Variants in CRAMP1 observed in about 807,000 individuals in gnomAD.
The protein encoded by CRAMP1 is protein cramped-like.
A neutral mutation model predicts 115.4 loss-of-function variants in CRAMP1; 50 were observed. That is an observed-to-expected ratio of 0.43 (90% confidence interval 0.35 to 0.55). CRAMP1 has a LOEUF of 0.55. CRAMP1 is among the 20% of genes least tolerant of loss of function. The pLI is 0.01. For missense variants in CRAMP1, 1,679 were observed against 1,721.7 expected, an observed-to-expected ratio of 0.98 and a Z score of 0.44; for synonymous variants, 866 against 745.4, an observed-to-expected ratio of 1.16 and a Z score of -2.64.
At chr16:1,642,928 A>T (rs1360779703) in intron 6 of CRAMP1, among the ~76,000 whole-genome samples, 1 of 152,204 alleles carries the variant, frequency 6.6e-6, no homozygotes, top group Non-Finnish European at 1.5e-5. Flanking sequence ...CGTGGTGGGC[A>T]CCTGCAGCGC....
chr16:1,657,569 A>G (rs776231992), intron 10 of CRAMP1, among the ~76,000 whole-genome samples: 4 of 152,250 alleles, frequency 2.6e-5, no homozygotes, highest in Non-Finnish European at 5.9e-5. Flanking sequence ...TGGCAAAGTC[A>G]GAGGCTGTCA....
At chr16:1,634,626 C>T (rs983120663) in intron 4 of CRAMP1, among the ~76,000 whole-genome samples, 5 of 152,138 alleles carry the variant, frequency 3.3e-5, no homozygotes, top group African/African-American at 9.7e-5. Context: ...TGGTGTGACC[C>T]CACATGATGT....
At chr16:1,651,872 G>T (rs548136989) in intron 6 of CRAMP1, among the ~76,000 whole-genome samples, 136 of 151,754 alleles carry the variant, frequency 9.0e-4, no homozygotes, top group Non-Finnish European at 1.5e-3. Flanking sequence ...AGGTCACACA[G>T]GTCATCTAGA....
rs144688516 is a variant in CRAMP1, at chr16:1,612,663, C to T, written c.-2+6C>T. Among the ~76,000 whole-genome samples the T allele has an allele frequency of 3.9e-3, 599 of 152,140 alleles. 3 individuals are homozygous for T. Among genetic ancestry groups the T allele is most frequent in the African/African-American group, 0.014 (578 of 41,548 alleles). On this transcript the variant is annotated splice_donor_region_variant and intron_variant, in intron 1 of 20. Transcript: ENST00000397412. ...GCCCGGCGTTGATGAAAAAGGTGAC[C>T]AAGGCTGGGCGGCGGGGCTGTCATG...
Position 1,637,891 on chromosome 16 carries a change from C to A in CRAMP1, c.762C>A (p.Arg254=). ...LYGLICYGEL[R]KKIGGCMDDK... ...GCCTGATCTGCTATGGCGAGCTGCG[C>A]AAGAAGATTGGGGGCTGTGAGTACG... Residue 254 remains arginine, a synonymous_variant, in exon 5 of 21, where the codon CGC becomes CGA. Coordinates refer to ENST00000397412, the MANE Select transcript of CRAMP1 (RefSeq NM_020825.4). 1.3e-6 allele frequency: 2 copies of A among 1,553,066 alleles called. No individual in the cohort carries two copies. The highest frequency in any genetic ancestry group is 2.5e-5 in the East Asian group (1 of 40,792).
rs1488728897 is a variant in CRAMP1, at chr16:1,674,251, T to C, written c.*206T>C. On this transcript the variant is annotated 3_prime_UTR_variant, in exon 21 of 21. Coordinates refer to ENST00000397412, the MANE Select transcript of CRAMP1 (RefSeq NM_020825.4). ...GATGAGTTCTTGGCAAGGGCCAGCG[T>C]TAGAAATCACTGTGGTACTAGAGCC... 2 of 595,274 alleles carry C rather than the reference T, an allele frequency of 3.4e-6. No individual in the cohort carries two copies. The highest frequency in any genetic ancestry group is 5.9e-6 in the Non-Finnish European group (2 of 336,358). The allele number at this position is 595,274 out of a possible 1,614,324, so 36.9% of individuals were successfully genotyped here. A position where few individuals can be genotyped will look rare whatever the true frequency, so the allele number is the denominator to read the frequency against.
At chr16:1,622,028 G>A (rs1255794379) in intron 2 of CRAMP1, among the ~76,000 whole-genome samples, 2 of 152,064 alleles carry the variant, frequency 1.3e-5, no homozygotes, top group Admixed American at 6.5e-5. Flanking sequence ...GCTGAGTCAG[G>A]TGGCCTCACA....
Position 1,669,278 on chromosome 16 carries a change from C to T in CRAMP1, c.3499+113C>T, listed in dbSNP as rs1042457561. ...CTCCCACTAGGACTGTTGGCTTGTT[C>T]GCTTCTCAAGTGTTTGTATTTTTCT... On this transcript the variant is annotated intron_variant, in intron 19 of 20. Transcript: ENST00000397412. The surrounding 1 kb of genome is among the most constrained non-coding windows in gnomAD (Gnocchi z 4.6). 9 of 806,298 alleles carry T rather than the reference C, an allele frequency of 1.1e-5. No homozygotes were observed. Among genetic ancestry groups the T allele is most frequent in the East Asian group, 9.2e-5 (3 of 32,750 alleles). The allele number at this position is 806,298 out of a possible 1,614,324, so 49.9% of individuals were successfully genotyped here.
chr16:1,675,128 G>A lies in CRAMP1; in HGVS notation c.*1083G>A, dbSNP rs2080185675. 1 of 152,272 alleles carries A rather than the reference G, an allele frequency of 6.6e-6. No homozygotes were observed. Among genetic ancestry groups the A allele is most frequent in the African/African-American group, 2.4e-5 (1 of 41,456 alleles). The allele number at this position is 152,272 out of a possible 1,614,324, so 9.4% of individuals were successfully genotyped here. A position where few individuals can be genotyped will look rare whatever the true frequency, so the allele number is the denominator to read the frequency against. On this transcript the variant is annotated 3_prime_UTR_variant, in exon 21 of 21. Transcript: ENST00000397412. Reference sequence around the variant, plus strand: ...GTGAGGGCCCAGACATCTGGATGTGGTCAGACCTCACCAAATATATGCCTT... The same window carrying A: ...GTGAGGGCCCAGACATCTGGATGTGATCAGACCTCACCAAATATATGCCTT...
In CRAMP1 at chr16:1,668,163, A is replaced by G; in HGVS notation, c.3304A>G (p.Ile1102Val). ...EPATHISDSI[I>V]EIAISSGQYG... ...TGCCACACACATTAGCGACTCCATC[A>G]TTGAGATCGCCATCAGCTCCGGTCA... The change falls in exon 18 of 21, where the codon ATT becomes GTT. Residue 1102 changes from isoleucine to valine, a missense_variant. By Grantham distance (29) the Ile-to-Val change is conservative. Around this residue, in one of 8 missense-constraint regions of CRAMP1, gnomAD observed 709 missense variants for 741.9 expected, o/e 0.96. Transcript: ENST00000397412. The G allele has an allele frequency of 6.2e-7, 1 of 1,613,610 alleles. No individual in the cohort carries two copies. The highest frequency in any genetic ancestry group is 8.5e-7 in the Non-Finnish European group (1 of 1,179,848).
chr16:1,656,634 A>T lies in CRAMP1; in HGVS notation c.1877A>T (p.Asp626Val). The T allele has an allele frequency of 6.3e-7, 1 of 1,579,128 alleles. No homozygotes were observed. The highest frequency in any genetic ancestry group is 8.6e-7 in the Non-Finnish European group (1 of 1,163,712). ...SPRPGPGLLL[D>V]VCTKDLADAP... is the part of the protein sequence containing the mutation. Reference sequence around the variant, plus strand: ...AGGCCCGGCCCCGGGCTCCTGCTGGATGTTTGCACTAAAGACTTGGCAGAT... The same window carrying T: ...AGGCCCGGCCCCGGGCTCCTGCTGGTTGTTTGCACTAAAGACTTGGCAGAT... Residue 626 changes from aspartate (D) to valine (V), a missense_variant, in exon 10 of 21, where the codon GAT becomes GTT. Asp to Val is a radical substitution (Grantham distance 152, BLOSUM62 -3). Transcript: ENST00000397412. The surrounding 1 kb of genome is among the most constrained non-coding windows in gnomAD (Gnocchi z 5.6).
At position 1,666,964 on chromosome 16, in the gene CRAMP1, G is replaced by A. The variant is rs2036881682; in HGVS notation, c.3036+364G>A. Among the ~76,000 whole-genome samples, 1 of 152,222 alleles carries A rather than the reference G, an allele frequency of 6.6e-6. No individual in the cohort carries two copies. Among genetic ancestry groups the A allele is most frequent in the African/African-American group, 2.4e-5 (1 of 41,456 alleles). On this transcript the variant is annotated intron_variant, in intron 16 of 20. Coordinates refer to ENST00000397412, the MANE Select transcript of CRAMP1 (RefSeq NM_020825.4). The surrounding 1 kb of genome is among the most constrained non-coding windows in gnomAD (Gnocchi z 5.0). The stretch of plus-strand genomic sequence containing the variant: ...AGCAGCCTGTATGGCCTTGGCCATT[G>A]CTCCTTTCCAAGGCTCTGAGCACCT...
Position 1,664,950 on chromosome 16 carries a change from C to G in CRAMP1, c.2671-107C>G, listed in dbSNP as rs550581630. 3.1e-5 allele frequency: 24 copies of G among 774,358 alleles called. No individual in the cohort carries two copies. The African/African-American group carries it at 4.1e-4, about 13-fold the overall frequency. 48.0% of individuals were successfully genotyped at this position (774,358 alleles called of 1,614,324 possible). A position where few individuals can be genotyped will look rare whatever the true frequency, so the allele number is the denominator to read the frequency against. On this transcript the variant is annotated intron_variant, in intron 13 of 20. Transcript: ENST00000397412. ...GTCATCGGCTCTGGAAAAAGCCCCA[C>G]CTGGCTATGCTGGGCACCCTCTTAC...
At chr16:1,625,033 T>G (rs1223678577) in intron 2 of CRAMP1, among the ~76,000 whole-genome samples, 1 of 152,180 alleles carries the variant, frequency 6.6e-6, no homozygotes, top group African/African-American at 2.4e-5. Flanking sequence ...AGCCAGTTTT[T>G]GATTTTTAAA....
intron 2 of CRAMP1, among the ~76,000 whole-genome samples, chr16:1,616,026 A>G (rs996071981): frequency 3.3e-5 from 5 of 152,250 alleles, no homozygotes; most frequent in Admixed American, 6.5e-5. Flanking sequence ...CGCATTCTCA[A>G]CCGAAGAAGG....
intron 6 of CRAMP1, among the ~76,000 whole-genome samples, chr16:1,651,823 T>A (rs1234290767): frequency 7.0e-6 from 1 of 143,328 alleles, no homozygotes; most frequent in Non-Finnish European, 1.5e-5. Context: ...CACAGAAAGG[T>A]GGATTGAGGT....
Position 1,674,780 on chromosome 16 carries a change from A to C in CRAMP1, c.*735A>C, listed in dbSNP as rs1201598705. On this transcript the variant is annotated 3_prime_UTR_variant, in exon 21 of 21. Transcript: ENST00000397412. ...GAAAATGTTTTTCTTGTGTTTTAAGAATTAGGAGACATGGAAGAGGAAGAA... is the reference window on the plus strand; with the variant it reads ...GAAAATGTTTTTCTTGTGTTTTAAGCATTAGGAGACATGGAAGAGGAAGAA... 1 of 152,198 alleles carries C rather than the reference A, an allele frequency of 6.6e-6. No homozygotes were observed. Among genetic ancestry groups the C allele is most frequent in the Non-Finnish European group, 1.5e-5 (1 of 68,060 alleles). 9.4% of individuals were successfully genotyped at this position (152,198 alleles called of 1,614,324 possible).
At chr16:1,642,404 A>G (rs2036639822) in intron 6 of CRAMP1, among the ~76,000 whole-genome samples, 1 of 152,160 alleles carries the variant, frequency 6.6e-6, no homozygotes, top group Non-Finnish European at 1.5e-5. Context: ...CCTGCAGCCA[A>G]CGACTGTAAC....
intron 2 of CRAMP1, among the ~76,000 whole-genome samples, chr16:1,619,545 G>A (rs934007429): frequency 6.6e-6 from 1 of 152,202 alleles, no homozygotes; most frequent in Non-Finnish European, 1.5e-5. Context: ...ATTTCCAGGA[G>A]TTTGTAGTTT....
Sources: gnomAD v4.1 joint callset for allele counts (sites outside exome capture counted in the v4.1 genomes callset) on GRCh38, gnomAD v4.1.1 for gene constraint, gnomAD v4.1.1 regional missense constraint, Gnocchi (gnomAD v3.1) non-coding constraint, MANE v1.5 for transcripts, NCBI Gene and HGNC (gene_info 2026-07-23, HGNC 2026-07-21) for gene names.